The following ANKRD17 variants were observed in gnomAD, a reference collection of about 807,000 sequenced individuals.
ANKRD17 encodes the protein ankyrin repeat domain 17, also known as ankyrin repeat domain-containing protein 17.
Under a neutral mutation model 229.7 loss-of-function variants are expected in ANKRD17, and 19 were observed. The observed-to-expected ratio is 0.08, with a 90% confidence interval of 0.06 to 0.12. The LOEUF (loss-of-function observed/expected upper bound fraction) is 0.12. Ranked by LOEUF, ANKRD17 falls within the 10% of genes least tolerant of loss-of-function variation. The probability of loss-of-function intolerance (pLI) is 1.00; values close to 1 mark genes in which losing one functional copy is unlikely to be tolerated. For synonymous variants in ANKRD17, 1,112 were observed against 1,146.1 expected (o/e 0.97, Z 0.60); for missense variants, 2,176 against 3,176.8 (o/e 0.68, Z 7.57).
intron 25 of ANKRD17, 183 bp from the exon 26 acceptor site, chr4:73,098,703 T>G: frequency 1.1e-6 from 1 of 873,580 alleles, no homozygotes; most frequent in Non-Finnish European, 1.9e-6. Context: ...ACCCACGTTC[T>G]GTTCAAAGAA....
At chr4:73,118,550 A>G in intron 22 of ANKRD17, 138 bp downstream of exon 22, 1 of 941,336 alleles carries the variant, frequency 1.1e-6, no homozygotes, top group South Asian at 1.7e-5. Flanking sequence ...TAATGTTGCC[A>G]TAAGAGTAAT....
chr4:73,252,595 C>G (rs1347455646), intron 1 of ANKRD17, among the ~76,000 whole-genome samples: 1 of 152,138 alleles, frequency 6.6e-6, no homozygotes, highest in African/African-American at 2.4e-5. Context: ...GCCTTATAAG[C>G]ACCTTCAACA....
chr4:73,145,737 T>TAGA, intron 10 of ANKRD17, among the ~76,000 whole-genome samples: 1 of 152,174 alleles, frequency 6.6e-6, no homozygotes, highest in Non-Finnish European at 1.5e-5. Context: ...GCACTTATTA[T>TAGA]ATACGTTCTA....
Position 73,121,748 on chromosome 4 carries a change from T to G in ANKRD17, c.3504A>C (p.Leu1168=), listed in dbSNP as rs115855277. The G allele has an allele frequency of 1.3e-6, 2 of 1,599,818 alleles. No individual in the cohort carries two copies. The highest frequency in any genetic ancestry group is 1.7e-6 in the Non-Finnish European group (2 of 1,175,626). ...CSGGRQEVVE[L]LLARGANKEH... ...CTTTATTTGCCCCTCGAGCTAACAA[T>G]AGCTCCACCACCTGAAAATAAAATA... Residue 1168 remains leucine, a synonymous_variant, in exon 19 of 34, where the codon CTA becomes CTC. Transcript: ENST00000358602.
At chr4:73,200,879 C>G (rs1738574150) in intron 1 of ANKRD17, among the ~76,000 whole-genome samples, 2 of 150,280 alleles carry the variant, frequency 1.3e-5, no homozygotes. Flanking sequence ...GCCTCCACCT[C>G]AATCACCACT....
Position 73,125,282 on chromosome 4 carries a change from G to A in ANKRD17, c.3265C>T (p.Leu1089Phe). ...TCCTCGTGGCCACCAGCACAGGCAA[G>A]TGTTAGTGCCGTGTCATGATTACTC... The part of the protein sequence containing the change: ...TESNHDTALT[L>F]ACAGGHEELV... Residue 1089 changes from leucine (L) to phenylalanine (F), a missense_variant, in exon 17 of 34, where the codon CTT becomes TTT. Physicochemically the swap from Leu to Phe is conservative, Grantham distance 22. Transcript: ENST00000358602. 1.9e-6 allele frequency: 3 copies of A among 1,613,694 alleles called. No individual in the cohort carries two copies. Among genetic ancestry groups the A allele is most frequent in the Non-Finnish European group, 2.5e-6 (3 of 1,179,822 alleles).
At chr4:73,161,100 C>G in intron 3 of ANKRD17, 92 bp downstream of exon 3, 1 of 1,474,770 alleles carries the variant, frequency 6.8e-7, no homozygotes, top group East Asian at 2.4e-5. Context: ...CAGTGCCAGC[C>G]AGGCACAAAA....
intron 16 of ANKRD17, among the ~76,000 whole-genome samples, chr4:73,128,278 A>ATC (rs1316554579): frequency 6.6e-6 from 1 of 152,240 alleles, no homozygotes; most frequent in Admixed American, 6.5e-5. Flanking sequence ...TCCCCACTAT[A>ATC]TCACAGAGGG....
chr4:73,093,376 CTTTTTTTTTTT>C (rs11368928), intron 28 of ANKRD17, among the ~76,000 whole-genome samples: 2 of 112,838 alleles, frequency 1.8e-5, no homozygotes, highest in East Asian at 5.1e-4. Flanking sequence ...AACTCAAATT[CTTTTTTTTTTT>C]TTTTTTTTTG....
chr4:73,228,400 T>C (rs993796847), intron 1 of ANKRD17, among the ~76,000 whole-genome samples: 1 of 152,158 alleles, frequency 6.6e-6, no homozygotes, highest in Non-Finnish European at 1.5e-5. Context: ...AATATTCTTT[T>C]TATTACCACT....
intron 13 of ANKRD17, 64 bp from the exon 14 acceptor site, chr4:73,141,907 A>ATTTATTCTTTATTT: frequency 8.4e-7 from 1 of 1,187,894 alleles, no homozygotes; most frequent in Non-Finnish European, 1.2e-6. Context: ...ATATGCTCTA[A>ATTTATTCTTTATTT]ATAAAGAATA....
At chr4:73,147,200 A>T in intron 9 of ANKRD17, 41 bp downstream of exon 9, 1 of 1,484,160 alleles carries the variant, frequency 6.7e-7, no homozygotes, top group Non-Finnish European at 9.0e-7. Flanking sequence ...TTACTTAAAC[A>T]AATCATGTAA....
chr4:73,154,826 G>C (rs1731437305), intron 5 of ANKRD17, among the ~76,000 whole-genome samples: 1 of 152,086 alleles, frequency 6.6e-6, no homozygotes, highest in Non-Finnish European at 1.5e-5. Flanking sequence ...CGGATCACGA[G>C]GTCAGGAGAT....
At chr4:73,179,359 A>G (rs1735135987) in intron 1 of ANKRD17, among the ~76,000 whole-genome samples, 1 of 149,530 alleles carries the variant, frequency 6.7e-6, no homozygotes, top group Admixed American at 6.7e-5. Flanking sequence ...TGGCAAGGAG[A>G]TAAAAAATAC....
Position 73,125,238 on chromosome 4 carries a change from T to C in ANKRD17, c.3309A>G (p.Leu1103=), listed in dbSNP as rs369087692. 1.9e-6 allele frequency: 3 copies of C among 1,613,908 alleles called. No homozygotes were observed. The African/African-American group carries it at 4.0e-5, about 22-fold the overall frequency. ...GGTGCTCTATACTAGCTCCTCTCTCTAGCAGTGTTTGTACCAGTTCCTCGT... is the reference window on the plus strand; with the variant it reads ...GGTGCTCTATACTAGCTCCTCTCTCCAGCAGTGTTTGTACCAGTTCCTCGT... ...GGHEELVQTL[L]ERGASIEHRD... Residue 1103 remains leucine, a synonymous_variant, in exon 17 of 34, where the codon CTA becomes CTG. Transcript: ENST00000358602.
intron 31 of ANKRD17, 29 bp downstream of exon 31, chr4:73,078,613 T>C: frequency 1.3e-6 from 2 of 1,597,652 alleles, no homozygotes; most frequent in Non-Finnish European, 1.7e-6. Context: ...ATTAAGTTAA[T>C]TTCTAGAGAG....
In ANKRD17 at chr4:73,139,760, T is replaced by C; in HGVS notation, c.2856A>G (p.Pro952=). ...CTTGAGGCATCGCCAGAGGCTGGAT[T>C]GGCGCAAAACCCATCTGAGCAGCAG... ...QQTAAQMGFA[P]IQPLAMPQAL... Residue 952 remains proline, a synonymous_variant, in exon 15 of 34, where the codon CCA becomes CCG. Transcript: ENST00000358602. The C allele has an allele frequency of 6.2e-7, 1 of 1,614,198 alleles. No individual in the cohort carries two copies. Among genetic ancestry groups the C allele is most frequent in the Non-Finnish European group, 8.5e-7 (1 of 1,180,022 alleles).
At chr4:73,134,185 A>C (rs1445941820) in intron 16 of ANKRD17, among the ~76,000 whole-genome samples, 1 of 152,188 alleles carries the variant, frequency 6.6e-6, no homozygotes, top group Non-Finnish European at 1.5e-5. Context: ...TATTTTTAAT[A>C]GGTTAAGAGT....
At chr4:73,200,831 T>G (rs1175049961) in intron 1 of ANKRD17, among the ~76,000 whole-genome samples, 1 of 152,084 alleles carries the variant, frequency 6.6e-6, no homozygotes, top group African/African-American at 2.4e-5. Flanking sequence ...CAGATCCCTG[T>G]ACTCTTGTAA....
Sources: gnomAD v4.1 joint callset for allele counts (sites outside exome capture counted in the v4.1 genomes callset) on GRCh38, gnomAD v4.1.1 for gene constraint, MANE v1.5 for transcripts, NCBI Gene and HGNC (gene_info 2026-07-23, HGNC 2026-07-21) for gene names.